PIBF1: variants seen among roughly 807,000 people sequenced by gnomAD.
PIBF1 encodes the protein progesterone-induced-blocking factor 1.
In PIBF1, 90 loss-of-function variants were observed where a neutral mutation model predicts 112.5. That is an observed-to-expected ratio of 0.80 (90% CI 0.67 to 0.95). The LOEUF (loss-of-function observed/expected upper bound fraction) is 0.95. Ranked by LOEUF, PIBF1 falls within the 40% of genes least tolerant of loss-of-function variation. The pLI is 0.00. For missense variants in PIBF1, 915 were observed against 852.3 expected (o/e 1.07, Z -0.92); for synonymous variants, 301 against 288.6 (o/e 1.04, Z -0.44).
At chr13:72,891,757 A>G (rs2040066467) in intron 10 of PIBF1, among the ~76,000 whole-genome samples, 1 of 152,160 alleles carries the variant, frequency 6.6e-6, no homozygotes, top group Admixed American at 6.6e-5. Flanking sequence ...TTGTACATAA[A>G]TGTTCATGGT....
chr13:72,910,802 T>G (rs997164721), intron 12 of PIBF1, among the ~76,000 whole-genome samples: 4 of 152,066 alleles, frequency 2.6e-5, no homozygotes, highest in African/African-American at 9.7e-5. Context: ...ATTGGAGAAG[T>G]AAGTAGCAAC....
chr13:72,839,275 TCA>T (rs768439510), intron 9 of PIBF1, among the ~76,000 whole-genome samples: 3 of 152,214 alleles, frequency 2.0e-5, no homozygotes, highest in Non-Finnish European at 2.9e-5. Flanking sequence ...CCGACAGGAC[TCA>T]GTGACTAGAT....
At chr13:72,896,602 A>G (rs1167681575) in intron 11 of PIBF1, among the ~76,000 whole-genome samples, 4 of 152,210 alleles carry the variant, frequency 2.6e-5, no homozygotes, top group Non-Finnish European at 5.9e-5. Context: ...TAAAAGAAAA[A>G]AAATCAAAAA....
At chr13:72,874,592 G>A (rs2039315220) in intron 10 of PIBF1, among the ~76,000 whole-genome samples, 1 of 152,212 alleles carries the variant, frequency 6.6e-6, no homozygotes, top group African/African-American at 2.4e-5. Context: ...AGAACTGACT[G>A]AAAAGCAGCA....
chr13:72,998,810 A>T lies in PIBF1; in HGVS notation c.2050-12A>T. The T allele has an allele frequency of 1.2e-6, 2 of 1,601,040 alleles. No homozygotes were observed. The highest frequency in any genetic ancestry group is 1.7e-6 in the Non-Finnish European group (2 of 1,171,734). ...ACTCTTGCTACTTTCTTCTGTTTTC[A>T]TATATCAACAGGAATTGGCAGCAAT... is the stretch of plus-strand genomic sequence containing the variant. On this transcript the variant is annotated splice_polypyrimidine_tract_variant and intron_variant, in intron 16 of 17. Coordinates refer to ENST00000326291, the MANE Select transcript of PIBF1 (RefSeq NM_006346.4).
At chr13:72,789,585 T>G (rs151069174) in intron 2 of PIBF1, among the ~76,000 whole-genome samples, 1 of 152,256 alleles carries the variant, frequency 6.6e-6, no homozygotes, top group African/African-American at 2.4e-5. Flanking sequence ...TCCCAGCTTG[T>G]CCTTGAGTTA....
At position 72,847,390 on chromosome 13, in the gene PIBF1, G is replaced by A. The variant is rs184790456; in HGVS notation, c.1224-6667G>A. 6.2e-4 allele frequency among the ~76,000 whole-genome samples: 95 copies of A among 152,256 alleles called. No individual in the cohort carries two copies. Among genetic ancestry groups the A allele is most frequent in the African/African-American group, 2.0e-3 (84 of 41,540 alleles). On this transcript the variant is annotated intron_variant, in intron 9 of 17. Coordinates refer to ENST00000326291, the MANE Select transcript of PIBF1 (RefSeq NM_006346.4). ...GGAGGCTGGGAAGTCCAATATCTACGTACTGGCATCTGGCAAGAGCCTTCT... is the reference window on the plus strand; with the variant it reads ...GGAGGCTGGGAAGTCCAATATCTACATACTGGCATCTGGCAAGAGCCTTCT...
chr13:72,790,967 G>A (rs2034892582), intron 2 of PIBF1, among the ~76,000 whole-genome samples: 1 of 152,136 alleles, frequency 6.6e-6, no homozygotes, highest in Non-Finnish European at 1.5e-5. Context: ...CAGTAGAGAA[G>A]AGGGACTTGA....
At chr13:72,890,412 C>G (rs564545234) in intron 10 of PIBF1, among the ~76,000 whole-genome samples, 1 of 152,212 alleles carries the variant, frequency 6.6e-6, no homozygotes, top group African/African-American at 2.4e-5. Flanking sequence ...AGTGCTGTTG[C>G]AGTGAATATT....
intron 15 of PIBF1, among the ~76,000 whole-genome samples, chr13:72,971,544 C>T (rs959394098): frequency 6.6e-6 from 1 of 152,146 alleles, no homozygotes; most frequent in African/African-American, 2.4e-5. Flanking sequence ...GTTTGTTTTT[C>T]AGCTGAGCTG....
At position 72,830,607 on chromosome 13, in the gene PIBF1, C is replaced by T. The variant is rs146949514; in HGVS notation, c.1097+2693C>T. Among the ~76,000 whole-genome samples the T allele has an allele frequency of 3.3e-5, 5 of 152,228 alleles. No homozygotes were observed. In the East Asian group the frequency reaches 9.7e-4, roughly 29 times the overall value. ...ATTTGTATGTGTTGAACCAGCCTTG[C>T]CTCCCTGGTATGAAGCCAACTTGAT... On this transcript the variant is annotated intron_variant, in intron 8 of 17. Coordinates refer to ENST00000326291, the MANE Select transcript of PIBF1 (RefSeq NM_006346.4).
chr13:72,875,800 T>C (rs2039371907), intron 10 of PIBF1, among the ~76,000 whole-genome samples: 1 of 152,202 alleles, frequency 6.6e-6, no homozygotes, highest in Admixed American at 6.5e-5. Context: ...TGTTATCTTG[T>C]TGAGTTTTAA....
intron 2 of PIBF1, among the ~76,000 whole-genome samples, chr13:72,787,896 G>A (rs1259846479): frequency 6.6e-6 from 1 of 152,108 alleles, no homozygotes; most frequent in African/African-American, 2.4e-5. Flanking sequence ...CTGGCCTCAA[G>A]CAATCCACCC....
intron 10 of PIBF1, among the ~76,000 whole-genome samples, chr13:72,867,028 G>T (rs1248530954): frequency 6.6e-6 from 1 of 152,148 alleles, no homozygotes; most frequent in East Asian, 1.9e-4. Context: ...GCTTCATACA[G>T]TTATTGATAT....
intron 9 of PIBF1, among the ~76,000 whole-genome samples, chr13:72,850,117 G>C (rs2038063339): frequency 6.6e-6 from 1 of 152,198 alleles, no homozygotes; most frequent in Non-Finnish European, 1.5e-5. Flanking sequence ...AAAGAATGCA[G>C]GTTGTGGACT....
intron 5 of PIBF1, among the ~76,000 whole-genome samples, chr13:72,812,803 CA>C (rs1464274365): frequency 1.3e-5 from 2 of 150,782 alleles, no homozygotes; most frequent in African/African-American, 4.9e-5. Context: ...AACCCCAAAA[CA>C]AAAACTTAGC....
At chr13:72,896,554 G>A (rs1305876834) in intron 11 of PIBF1, among the ~76,000 whole-genome samples, 2 of 151,994 alleles carry the variant, frequency 1.3e-5, no homozygotes, top group Non-Finnish European at 2.9e-5. Context: ...CCAAAAAATG[G>A]TACAAGAAGT....
At chr13:72,983,567 G>T (rs1304554862) in intron 16 of PIBF1, among the ~76,000 whole-genome samples, 1 of 152,122 alleles carries the variant, frequency 6.6e-6, no homozygotes, top group African/African-American at 2.4e-5. Flanking sequence ...AGTTAGCCAG[G>T]TTTCTTGAAA....
chr13:72,784,632 G>A (rs1326788697), intron 2 of PIBF1, among the ~76,000 whole-genome samples: 2 of 151,342 alleles, frequency 1.3e-5, no homozygotes, highest in South Asian at 2.1e-4. Flanking sequence ...GTGGTGCTGC[G>A]CCTGCAGGCC....
Sources: allele counts gnomAD v4.1 joint callset (sites outside exome capture counted in the v4.1 genomes callset), GRCh38; gene constraint gnomAD v4.1.1; transcripts MANE v1.5; gene names NCBI Gene and HGNC (gene_info 2026-07-23, HGNC 2026-07-21).